The following CUX1 variants were observed in gnomAD, a reference collection of about 807,000 sequenced individuals.
CUX1 encodes the protein cut like homeobox 1.
A neutral mutation model predicts 158.8 loss-of-function variants in CUX1; 31 were observed. The observed-to-expected ratio is 0.20, with a 90% CI of 0.15 to 0.26. The LOEUF (loss-of-function observed/expected upper bound fraction) is 0.26, where lower values mean the gene tolerates loss of function less well. Ranked by LOEUF, CUX1 falls within the 10% of genes least tolerant of loss-of-function variation. CUX1 has a pLI of 1.00. For synonymous variants in CUX1, 879 were observed against 862.1 expected, an observed-to-expected ratio of 1.02 and a Z score of -0.34; for missense variants, 1,589 against 2,014.6, an observed-to-expected ratio of 0.79 and a Z score of 4.04.
chr7:101,986,261 A>T (rs1231644444), intron 2 of CUX1, among the ~76,000 whole-genome samples: 1 of 152,234 alleles, frequency 6.6e-6, no homozygotes, highest in African/African-American at 2.4e-5. Flanking sequence ...CATCGGTGAG[A>T]TCAGTAGGTC....
At chr7:101,992,991 G>A (rs957980966) in intron 2 of CUX1, among the ~76,000 whole-genome samples, 4 of 152,138 alleles carry the variant, frequency 2.6e-5, no homozygotes, top group Admixed American at 1.3e-4. Context: ...CTGGGTGGCC[G>A]ACTAGGTGGC....
intron 1 of CUX1, among the ~76,000 whole-genome samples, chr7:101,863,745 C>T (rs566520225): frequency 1.5e-4 from 23 of 152,296 alleles, no homozygotes; most frequent in African/African-American, 5.1e-4. Flanking sequence ...CATGATTCCA[C>T]TTTGTCTCTA....
At chr7:102,214,653 C>T (rs375898134) in intron 20 of CUX1, among the ~76,000 whole-genome samples, 2 of 152,260 alleles carry the variant, frequency 1.3e-5, no homozygotes, top group Non-Finnish European at 2.9e-5. Context: ...TCAGCTGTCA[C>T]GGCCCCCCGG....
At chr7:101,952,861 G>A (rs988036448) in intron 2 of CUX1, among the ~76,000 whole-genome samples, 2 of 152,238 alleles carry the variant, frequency 1.3e-5, no homozygotes, top group African/African-American at 4.8e-5. Flanking sequence ...CGCAGGGCAC[G>A]TGTGTGTCCT....
At chr7:102,237,931 C>T (rs910662086) in intron 22 of CUX1, among the ~76,000 whole-genome samples, 2 of 152,250 alleles carry the variant, frequency 1.3e-5, no homozygotes, top group East Asian at 1.9e-4. Context: ...GCCTGGCAGC[C>T]GAGGCAGAGA....
chr7:101,817,531 C>G (rs1419853237), upstream of CUX1: 3 of 1,230,142 alleles, frequency 2.4e-6, no homozygotes. This position sits in a 1 kb window ranked among gnomAD's most constrained non-coding sequence, Gnocchi z 4.1. Context: ...GGGGCGAGTG[C>G]CTGCCTGCCA....
Position 102,248,479 on chromosome 7 carries a change from AG to A in CUX1, c.3956del (p.Ser1319ThrfsTer166). 6.3e-7 allele frequency: 1 copy of A among 1,592,148 alleles called. No individual in the cohort carries two copies. The highest frequency in any genetic ancestry group is 8.5e-7 in the Non-Finnish European group (1 of 1,173,196). ...QAGSQGQAGA[S>X]DSPSARSGRA... The stretch of plus-strand genomic sequence containing the variant: ...CGGGAGTCAGGGCCAGGCGGGCGCC[AG>A]CGACTCACCCTCGGCCCGCAGCGGC... On this transcript the variant is annotated frameshift_variant, in exon 24 of 24. Coordinates refer to ENST00000292535, the MANE Select transcript of CUX1 (RefSeq NM_181552.4). LOFTEE classifies it low-confidence loss of function (END_TRUNC). The surrounding 1 kb of genome is among the most constrained non-coding windows in gnomAD (Gnocchi z 5.8).
chr7:102,014,668 G>C (rs190615082), intron 2 of CUX1, among the ~76,000 whole-genome samples: 2 of 152,086 alleles, frequency 1.3e-5, no homozygotes, highest in Admixed American at 1.3e-4. Context: ...GGGATAATCC[G>C]TTGGGAAGTC....
chr7:101,920,604 A>G (rs938522943), intron 2 of CUX1, among the ~76,000 whole-genome samples: 2 of 152,148 alleles, frequency 1.3e-5, no homozygotes, highest in Admixed American at 6.5e-5. Context: ...TTTCAGTTTT[A>G]TATCATTAGA....
At chr7:102,070,558 G>A in intron 4 of CUX1, 141 bp downstream of exon 4, 1 of 635,292 alleles carries the variant, frequency 1.6e-6, no homozygotes, top group Middle Eastern at 2.8e-4. Context: ...ACCAGGGAGT[G>A]CAGGACACAT....
In CUX1 at chr7:102,255,019, G is replaced by A. The variant is rs1003801653; in HGVS notation, c.*5977G>A. 15 of 985,386 alleles carry A rather than the reference G, an allele frequency of 1.5e-5. No individual in the cohort carries two copies. Among genetic ancestry groups the A allele is most frequent in the East Asian group, 2.3e-4 (2 of 8,826 alleles). 61.0% of individuals were successfully genotyped at this position (985,386 alleles called of 1,614,324 possible). ...ACCAACCCTTGGGCTTAATCAGGAC[G>A]GAAGAGGAGGGGGTGTGGGGGGCAG... On this transcript the variant is annotated 3_prime_UTR_variant, in exon 24 of 24. Transcript: ENST00000292535.
At chr7:102,274,223 A>G (rs374698929) in intron 15 of CUX1, 2 of 1,611,434 alleles carry the variant, frequency 1.2e-6, no homozygotes, top group Non-Finnish European at 1.7e-6. Context: ...GCACCTCCTC[A>G]TCGCTTCCTG....
At chr7:102,119,070 G>A (rs1831753687) in intron 8 of CUX1, among the ~76,000 whole-genome samples, 1 of 152,140 alleles carries the variant, frequency 6.6e-6, no homozygotes, top group Admixed American at 6.6e-5. Context: ...TTTTGAAGAG[G>A]CAGGAATGGG....
chr7:102,180,914 T>TTATTG (rs797041393), intron 11 of CUX1, among the ~76,000 whole-genome samples: 3 of 63,322 alleles, frequency 4.7e-5, no homozygotes, highest in African/African-American at 1.5e-4. Flanking sequence ...TTATTTTATT[T>TTATTG]TATTGTATTT....
chr7:101,961,706 C>G (rs1810519218), intron 2 of CUX1: 1 of 152,058 alleles, frequency 6.6e-6, no homozygotes, highest in Non-Finnish European at 1.5e-5. Flanking sequence ...ATAGTGAAGC[C>G]TTGTCTTTAC....
intron 8 of CUX1, among the ~76,000 whole-genome samples, chr7:102,133,467 C>CTTTTTTT (rs11266929): frequency 5.5e-5 from 5 of 90,576 alleles, no homozygotes; most frequent in Admixed American, 1.3e-4. Flanking sequence ...AAAAATACAT[C>CTTTTTTT]TTTTTTTTTT....
chr7:101,851,434 C>A (rs975750405), intron 1 of CUX1, among the ~76,000 whole-genome samples: 1 of 152,070 alleles, frequency 6.6e-6, no homozygotes, highest in African/African-American at 2.4e-5. Context: ...GACTCGTGTA[C>A]GCCATGGCTT....
intron 4 of CUX1, among the ~76,000 whole-genome samples, chr7:102,077,440 T>A (rs1290177909): frequency 1.3e-5 from 2 of 148,856 alleles, no homozygotes; most frequent in Non-Finnish European, 3.0e-5. Flanking sequence ...CTATAATCAC[T>A]GTACTTTGGG....
At chr7:101,837,237 C>T (rs950838300) in intron 1 of CUX1, among the ~76,000 whole-genome samples, 18 of 152,162 alleles carry the variant, frequency 1.2e-4, no homozygotes, top group African/African-American at 3.9e-4. Context: ...TTTGCCAAGC[C>T]AGATGTCCCT....
Sources: gnomAD v4.1 joint callset for allele counts (sites outside exome capture counted in the v4.1 genomes callset) on GRCh38, gnomAD v4.1.1 for gene constraint, Gnocchi (gnomAD v3.1) non-coding constraint, MANE v1.5 for transcripts, NCBI Gene and HGNC (gene_info 2026-07-23, HGNC 2026-07-21) for gene names.